PCDH15: variants seen among roughly 807,000 people sequenced by gnomAD.
PCDH15 encodes the protein protocadherin related 15, also known as protocadherin-15.
PCDH15 carries 129 observed loss-of-function variants against 178.5 expected under a neutral mutation model. The ratio of observed to expected loss-of-function variants is 0.72; its 90% confidence interval spans 0.63 to 0.84. The LOEUF (loss-of-function observed/expected upper bound fraction) is 0.84, where lower values mean the gene tolerates loss of function less well. Among genes scored for constraint, PCDH15 ranks in the 40% least tolerant of loss-of-function variants. PCDH15 has a pLI of 0.00. For missense variants in PCDH15, 2,230 were observed against 2,099.9 expected, an observed-to-expected ratio of 1.06 and a Z score of -1.21; for synonymous variants, 800 against 732.0, an observed-to-expected ratio of 1.09 and a Z score of -1.50.
chr10:55,016,524 C>G (rs1463590760), intron 2 of PCDH15, among the ~76,000 whole-genome samples: 1 of 152,128 alleles, frequency 6.6e-6, no homozygotes, highest in African/African-American at 2.4e-5. Flanking sequence ...CTTTCTGTGC[C>G]TGGCTTATTT....
chr10:55,500,944 T>C (rs933611918), intron 2 of PCDH15, among the ~76,000 whole-genome samples: 28 of 151,748 alleles, frequency 1.8e-4, no homozygotes, highest in Non-Finnish European at 3.1e-4. Flanking sequence ...TTAACAACAG[T>C]TGGACATTTT....
At chr10:53,889,345 A>G (rs1464491474) in intron 26 of PCDH15, among the ~76,000 whole-genome samples, 1 of 152,146 alleles carries the variant, frequency 6.6e-6, no homozygotes, top group Non-Finnish European at 1.5e-5. Context: ...AAAGAATTCT[A>G]AAGACTTAAT....
intron 1 of PCDH15, among the ~76,000 whole-genome samples, chr10:55,192,870 T>C (rs977024854): frequency 6.6e-6 from 1 of 151,522 alleles, no homozygotes; most frequent in Non-Finnish European, 1.5e-5. Context: ...TATGAGTTTA[T>C]ATGTATATAC....
At chr10:54,239,950 A>AT (rs2055061900) in intron 8 of PCDH15, among the ~76,000 whole-genome samples, 1 of 152,162 alleles carries the variant, frequency 6.6e-6, no homozygotes, top group Non-Finnish European at 1.5e-5. Context: ...AATACATGAC[A>AT]TTAAAGAATA....
At chr10:54,583,487 T>C (rs1263542432) in intron 2 of PCDH15, among the ~76,000 whole-genome samples, 2 of 151,918 alleles carry the variant, frequency 1.3e-5, no homozygotes, top group East Asian at 1.9e-4. Context: ...AAAATGAATA[T>C]AAGGAGAGAG....
chr10:55,050,543 C>CTGTGATT (rs1564748881), intron 2 of PCDH15, among the ~76,000 whole-genome samples: 1 of 152,022 alleles, frequency 6.6e-6, no homozygotes, highest in African/African-American at 2.4e-5. Context: ...TTATTATTAA[C>CTGTGATT]ATTCTTTGTG....
chr10:54,034,984 T>G (rs1193831009), intron 18 of PCDH15, among the ~76,000 whole-genome samples: 1 of 151,910 alleles, frequency 6.6e-6, no homozygotes, highest in Non-Finnish European at 1.5e-5. Context: ...GATTGGAGAT[T>G]AAAAAGTGTA....
intron 1 of PCDH15, among the ~76,000 whole-genome samples, chr10:54,735,563 A>G (rs1943988598): frequency 6.9e-6 from 1 of 145,470 alleles, no homozygotes; most frequent in African/African-American, 2.6e-5. Flanking sequence ...AGACACACGC[A>G]CACGTATGTT....
In PCDH15 at chr10:55,424,531, A is replaced by G. The variant is rs115673013; in HGVS notation, c.-156+203094T>C. The stretch of plus-strand genomic sequence containing the variant: ...AGGTAACAATGCCTCATCTAATTGT[A>G]GGCATCTACCCTGCTAATGAACACT... On this transcript the variant is annotated intron_variant, in intron 2 of 5. Transcript: ENST00000613346. Among the ~76,000 whole-genome samples the G allele has an allele frequency of 5.4e-3, 818 of 152,216 alleles. 10 individuals are homozygous for G. The highest frequency in any genetic ancestry group is 0.018 in the African/African-American group (752 of 41,548).
chr10:54,637,821 T>G (rs2093896804), intron 2 of PCDH15, among the ~76,000 whole-genome samples: 1 of 152,024 alleles, frequency 6.6e-6, no homozygotes. Context: ...GCTCAATAAA[T>G]ATGGTATTTA....
intron 11 of PCDH15, among the ~76,000 whole-genome samples, chr10:54,193,438 T>C (rs993641855): frequency 1.3e-5 from 2 of 152,218 alleles, no homozygotes; most frequent in African/African-American, 4.8e-5. Flanking sequence ...TAAGCTATCA[T>C]ACACTTTCAA....
chr10:55,524,057 AC>A (rs1321528610), intron 2 of PCDH15, among the ~76,000 whole-genome samples: 7 of 131,396 alleles, frequency 5.3e-5, no homozygotes, highest in Admixed American at 3.9e-4. Flanking sequence ...ACATGTAAAA[AC>A]CTTTTTTTTT....
intron 2 of PCDH15, among the ~76,000 whole-genome samples, chr10:54,976,413 C>T (rs1165220049): frequency 6.6e-6 from 1 of 152,032 alleles, no homozygotes; most frequent in Non-Finnish European, 1.5e-5. Flanking sequence ...ATCAGTCTCC[C>T]CAAAGGCTCA....
At chr10:53,892,692 T>C (rs2081653814) in intron 26 of PCDH15, among the ~76,000 whole-genome samples, 1 of 152,188 alleles carries the variant, frequency 6.6e-6, no homozygotes, top group Non-Finnish European at 1.5e-5. Flanking sequence ...CAACTGGTAA[T>C]GTTTTTTATG....
At chr10:54,177,758 G>A (rs2047583965) in intron 13 of PCDH15, among the ~76,000 whole-genome samples, 1 of 152,144 alleles carries the variant, frequency 6.6e-6, no homozygotes, top group Admixed American at 6.6e-5. Context: ...TTAATGGTGT[G>A]CATCATGATA....
intron 13 of PCDH15, among the ~76,000 whole-genome samples, chr10:54,155,330 C>A (rs188955450): frequency 7.2e-5 from 11 of 152,050 alleles, no homozygotes; most frequent in Non-Finnish European, 1.6e-4. Context: ...ACACAGGAGA[C>A]AGAAACACCC....
intron 1 of PCDH15, among the ~76,000 whole-genome samples, chr10:55,223,999 C>T (rs1045204225): frequency 1.6e-4 from 25 of 152,180 alleles, no homozygotes; most frequent in Non-Finnish European, 2.9e-4. Context: ...CGCCTGTAAT[C>T]GCAGCACTTT....
chr10:55,498,332 A>C (rs1045168083), intron 2 of PCDH15, among the ~76,000 whole-genome samples: 3 of 152,026 alleles, frequency 2.0e-5, no homozygotes, highest in Middle Eastern at 3.4e-3. Context: ...GCAGAATATA[A>C]AATTAGTGTG....
chr10:54,255,219 T>C (rs945938259), intron 8 of PCDH15, among the ~76,000 whole-genome samples: 4 of 152,194 alleles, frequency 2.6e-5, no homozygotes, highest in Non-Finnish European at 5.9e-5. Flanking sequence ...TATCCTGACA[T>C]CGATTTCCTT....
Sources: allele counts gnomAD v4.1 joint callset (sites outside exome capture counted in the v4.1 genomes callset), GRCh38; gene constraint gnomAD v4.1.1; transcripts MANE v1.5; gene names NCBI Gene and HGNC (gene_info 2026-07-23, HGNC 2026-07-21).